The following PDE8A variants were observed in gnomAD, a reference collection of about 807,000 sequenced individuals.
The protein encoded by PDE8A is phosphodiesterase 8A.
Under a neutral mutation model 105.0 loss-of-function variants are expected in PDE8A, and 59 were observed. The observed-to-expected ratio is 0.56, with a 90% CI of 0.46 to 0.70. PDE8A has a LOEUF of 0.70. PDE8A is among the 30% of genes least tolerant of loss of function. The pLI, the probability that PDE8A is intolerant of heterozygous loss-of-function variation, is 0.00. For synonymous variants in PDE8A, 355 were observed against 371.9 expected, an observed-to-expected ratio of 0.95 and a Z score of 0.52; for missense variants, 1,014 against 1,045.9, an observed-to-expected ratio of 0.97 and a Z score of 0.42.
intron 1 of PDE8A, among the ~76,000 whole-genome samples, chr15:84,984,708 C>T (rs1031208537): frequency 1.1e-4 from 17 of 152,110 alleles, no homozygotes; most frequent in Non-Finnish European, 2.4e-4. Flanking sequence ...AATATGTGGA[C>T]TGTTAGTATT....
chr15:85,082,945 G>A (rs965921858), intron 5 of PDE8A, among the ~76,000 whole-genome samples: 4 of 152,194 alleles, frequency 2.6e-5, no homozygotes, highest in Non-Finnish European at 4.4e-5. Context: ...AATACTTAAT[G>A]TCCACGGCTA....
intron 1 of PDE8A, among the ~76,000 whole-genome samples, chr15:85,015,557 A>T (rs368669038): frequency 1.3e-5 from 2 of 151,952 alleles, no homozygotes; most frequent in African/African-American, 4.8e-5. Flanking sequence ...ACCATTCTGA[A>T]TTTTTACCAG....
chr15:85,067,160 A>G lies in PDE8A; in HGVS notation c.390A>G (p.Ile130Met). Reference protein sequence around the residue: ...FLDKHHDIIIIDHRNPRQLDA... With the variant: ...FLDKHHDIIIMDHRNPRQLDA... The stretch of plus-strand genomic sequence containing the variant: ...ACAAACATCATGACATTATCATCAT[A>G]GACCACAGAAATCCTCGACAGCTGG... The change falls in exon 3 of 22, where the codon ATA becomes ATG. Residue 130 changes from isoleucine to methionine, a missense_variant. Transcript: ENST00000394553. The G allele has an allele frequency of 6.2e-7, 1 of 1,614,066 alleles. No homozygotes were observed. The highest frequency in any genetic ancestry group is 8.5e-7 in the Non-Finnish European group (1 of 1,179,954).
At chr15:85,017,262 CA>C (rs11300943) in intron 1 of PDE8A, among the ~76,000 whole-genome samples, 106,000 of 143,636 alleles carry the variant, frequency 0.74, 38,481 homozygotes, top group Non-Finnish European at 0.77. Context: ...AGCGAGACTC[CA>C]AAAAAAAAAA....
chr15:85,076,033 C>A, intron 4 of PDE8A, 115 bp downstream of exon 4: 1 of 557,598 alleles, frequency 1.8e-6, no homozygotes, highest in Non-Finnish European at 3.2e-6. Flanking sequence ...TGTAGTGTGG[C>A]CTTCTCTTCT....
At chr15:85,069,338 T>C (rs1254095191) in intron 3 of PDE8A, among the ~76,000 whole-genome samples, 1 of 152,198 alleles carries the variant, frequency 6.6e-6, no homozygotes, top group East Asian at 1.9e-4. Context: ...CCTCAGGACC[T>C]GGGGCTCACT....
intron 1 of PDE8A, among the ~76,000 whole-genome samples, chr15:85,013,827 A>G (rs993903705): frequency 1.3e-5 from 2 of 152,146 alleles, no homozygotes; most frequent in African/African-American, 2.4e-5. Flanking sequence ...CAGCGGATTC[A>G]CTTCCAAGGT....
At chr15:85,004,217 G>A (rs772230500) in intron 1 of PDE8A, among the ~76,000 whole-genome samples, 18 of 152,192 alleles carry the variant, frequency 1.2e-4, no homozygotes, top group Non-Finnish European at 2.2e-4. Context: ...GTGTAGTTTG[G>A]GTGGGATTGA....
intron 1 of PDE8A, among the ~76,000 whole-genome samples, chr15:85,037,722 T>C (rs1381210058): frequency 6.6e-6 from 1 of 152,232 alleles, no homozygotes; most frequent in Non-Finnish European, 1.5e-5. Context: ...TTCTTCTTAT[T>C]AATTATTACT....
chr15:85,095,595 C>T (rs1485036843), intron 8 of PDE8A, among the ~76,000 whole-genome samples: 2 of 152,142 alleles, frequency 1.3e-5, no homozygotes, highest in Non-Finnish European at 2.9e-5. Flanking sequence ...CTGCCTGCCT[C>T]GGCCTCCAGA....
At chr15:85,109,007 T>C in intron 11 of PDE8A, 46 bp from the exon 12 acceptor site, 1 of 1,323,290 alleles carries the variant, frequency 7.6e-7, no homozygotes, top group South Asian at 1.3e-5. Flanking sequence ...CCTTAATATG[T>C]TGTTTAAATA....
intron 12 of PDE8A, 62 bp downstream of exon 12, chr15:85,109,192 G>T (rs2081986984): frequency 8.2e-6 from 9 of 1,099,172 alleles, no homozygotes; most frequent in Admixed American, 7.4e-5. Context: ...ATGGAGCCCT[G>T]CCCTGCCTTG....
chr15:85,102,892 A>G (rs1304632154), intron 11 of PDE8A, among the ~76,000 whole-genome samples: 1 of 151,340 alleles, frequency 6.6e-6, no homozygotes, highest in African/African-American at 2.4e-5. Flanking sequence ...TATTATTTAT[A>G]TTCCTTTATT....
intron 1 of PDE8A, among the ~76,000 whole-genome samples, chr15:85,025,273 A>G (rs1258288446): frequency 1.3e-5 from 2 of 151,778 alleles, no homozygotes; most frequent in African/African-American, 4.8e-5. Context: ...TTTAAGGGGC[A>G]CTCCCTTGAA....
chr15:85,080,979 C>T (rs974735796), intron 5 of PDE8A, among the ~76,000 whole-genome samples: 45 of 152,168 alleles, frequency 3.0e-4, no homozygotes, highest in Admixed American at 2.5e-3. Context: ...GGAATTCATG[C>T]GGTCAACCAG....
intron 20 of PDE8A, among the ~76,000 whole-genome samples, chr15:85,130,173 A>G (rs1418029048): frequency 6.6e-6 from 1 of 152,076 alleles, no homozygotes; most frequent in African/African-American, 2.4e-5. Flanking sequence ...TAACCAGATT[A>G]CCTGTAAACT....
chr15:85,134,130 T>A (rs1301885599), intron 20 of PDE8A, among the ~76,000 whole-genome samples: 1 of 152,178 alleles, frequency 6.6e-6, no homozygotes, highest in Non-Finnish European at 1.5e-5. Context: ...ACTTGTCACA[T>A]TGGGCCAAAG....
chr15:85,066,583 AACACACACACACACACACACACAC>A (rs57124766), intron 2 of PDE8A, among the ~76,000 whole-genome samples: 8,983 of 116,988 alleles, frequency 0.077, 438 homozygotes, highest in Non-Finnish European at 0.1. Flanking sequence ...ATCCCCCCAA[AACACACACACACACACACACACAC>A]ACACACACAC....
chr15:85,071,937 T>G (rs2081316996), intron 3 of PDE8A, among the ~76,000 whole-genome samples: 1 of 152,142 alleles, frequency 6.6e-6, no homozygotes, highest in Non-Finnish European at 1.5e-5. Flanking sequence ...TCAGAAGAGG[T>G]GCAGCAGTAT....
Sources: gnomAD v4.1 joint callset for allele counts (sites outside exome capture counted in the v4.1 genomes callset) on GRCh38, gnomAD v4.1.1 for gene constraint, MANE v1.5 for transcripts, NCBI Gene and HGNC (gene_info 2026-07-23, HGNC 2026-07-21) for gene names.